DARS1: variants seen among roughly 807,000 people sequenced by gnomAD.
DARS1 encodes aspartyl-tRNA synthetase 1.
Under a neutral mutation model 68.8 loss-of-function variants are expected in DARS1, and 51 were observed. That is an observed-to-expected ratio of 0.74 (90% confidence interval 0.59 to 0.94). The LOEUF (loss-of-function observed/expected upper bound fraction) is 0.94. DARS1 is among the 40% of genes least tolerant of loss of function. DARS1 has a pLI of 0.00. For synonymous variants in DARS1, 203 were observed against 190.4 expected, an observed-to-expected ratio of 1.07 and a Z score of -0.55; for missense variants, 607 against 597.3, an observed-to-expected ratio of 1.02 and a Z score of -0.17.
chr2:135,978,139 T>C (rs1363707966), intron 3 of DARS1, among the ~76,000 whole-genome samples: 1 of 75,852 alleles, frequency 1.3e-5, no homozygotes, highest in Non-Finnish European at 2.3e-5. Context: ...CAAGACTCTG[T>C]CTCAAAAAAA....
At position 135,969,574 on chromosome 2, in the gene DARS1, A is replaced by G. The variant is rs148580967; in HGVS notation, c.218-8076T>C. ...TAAAAATGATGAAGACCAGATTATA[A>G]ATGCAAAATTCCACAAAAAGTAAGT... On this transcript the variant is annotated intron_variant, in intron 3 of 15. Transcript: ENST00000264161. 2.6e-3 allele frequency among the ~76,000 whole-genome samples: 388 copies of G among 151,996 alleles called. 1 individual carries two copies. Among genetic ancestry groups the G allele is most frequent in the African/African-American group, 8.6e-3 (355 of 41,500 alleles).
intron 2 of DARS1, among the ~76,000 whole-genome samples, chr2:135,983,037 T>C (rs150991844): frequency 3.2e-4 from 48 of 152,324 alleles, no homozygotes; most frequent in African/African-American, 9.9e-4. Context: ...GAGGTAGCTT[T>C]ATTAAAGCAT....
intron 7 of DARS1, among the ~76,000 whole-genome samples, chr2:135,926,900 C>T (rs568201197): frequency 6.6e-6 from 1 of 152,294 alleles, no homozygotes; most frequent in East Asian, 1.9e-4. Flanking sequence ...CAGACTGCAT[C>T]AGAGTCTGAG....
intron 4 of DARS1, among the ~76,000 whole-genome samples, chr2:135,955,598 G>T (rs1392836232): frequency 7.4e-6 from 1 of 135,098 alleles, no homozygotes; most frequent in Non-Finnish European, 1.6e-5. Context: ...AATTAAAACA[G>T]CATCAAAAGA....
rs1682764028 is a variant in DARS1, at chr2:135,985,532, G to A, written c.-64C>T. ...GCAGGCTTCCGTAAGGCAGGCCAAA[G>A]GGGCTTCTCCCTCCCTCCCAGTCTC... On this transcript the variant is annotated 5_prime_UTR_variant, in exon 1 of 16. Transcript: ENST00000264161. 8.1e-6 allele frequency: 13 copies of A among 1,612,298 alleles called. No individual in the cohort carries two copies. The highest frequency in any genetic ancestry group is 1.1e-5 in the Non-Finnish European group (13 of 1,179,354).
intron 3 of DARS1, among the ~76,000 whole-genome samples, chr2:135,973,632 A>AT (rs1682435088): frequency 6.6e-6 from 1 of 152,138 alleles, no homozygotes. Context: ...AGGTGGATAG[A>AT]TAGCTTGAGC....
intron 4 of DARS1, among the ~76,000 whole-genome samples, chr2:135,954,689 G>T (rs1388996139): frequency 1.3e-5 from 2 of 152,118 alleles, no homozygotes; most frequent in Non-Finnish European, 2.9e-5. Flanking sequence ...TTTAATTTCA[G>T]ATTAAGCTTC....
At chr2:135,959,915 A>C (rs1365053706) in intron 4 of DARS1, among the ~76,000 whole-genome samples, 1 of 152,116 alleles carries the variant, frequency 6.6e-6, no homozygotes, top group Admixed American at 6.5e-5. Flanking sequence ...TGTTGATTTG[A>C]GGTTGACTTT....
intron 10 of DARS1, 129 bp downstream of exon 10, chr2:135,920,324 C>CTA: frequency 2.2e-6 from 3 of 1,349,920 alleles, no homozygotes; most frequent in Non-Finnish European, 2.9e-6. Context: ...AATGGATCAT[C>CTA]TAACTGGTAA....
chr2:135,907,261 T>TTTTTTTTTTTG lies in DARS1; in HGVS notation c.*54_*55insCAAAAAAAAAA. On this transcript the variant is annotated 3_prime_UTR_variant, in exon 16 of 16. Coordinates refer to ENST00000264161, the MANE Select transcript of DARS1 (RefSeq NM_001349.4). ...GGCTTTCTTTTTTTTTTTTTTTTTT[T>TTTTTTTTTTTG]GAGGCAGGGTCTCGCTCTGTCATCC... 3 of 889,230 alleles carry TTTTTTTTTTTG rather than the reference T, an allele frequency of 3.4e-6. No homozygotes were observed. Among genetic ancestry groups the TTTTTTTTTTTG allele is most frequent in the Non-Finnish European group, 3.3e-6 (2 of 601,870 alleles). 55.1% of individuals were successfully genotyped at this position (889,230 alleles called of 1,614,324 possible).
chr2:135,971,776 A>C (rs1407204480), intron 3 of DARS1, among the ~76,000 whole-genome samples: 1 of 152,228 alleles, frequency 6.6e-6, no homozygotes, highest in East Asian at 1.9e-4. Flanking sequence ...TATAAATGTC[A>C]GTAGCATTTT....
intron 7 of DARS1, among the ~76,000 whole-genome samples, chr2:135,929,953 G>A (rs947885825): frequency 2.0e-5 from 3 of 152,230 alleles, no homozygotes; most frequent in African/African-American, 7.2e-5. Context: ...CCTGACTGGG[G>A]GCATTTGCCA....
chr2:135,940,747 A>G (rs1315938654), intron 5 of DARS1, among the ~76,000 whole-genome samples: 1 of 152,210 alleles, frequency 6.6e-6, no homozygotes, highest in Non-Finnish European at 1.5e-5. Context: ...ACATGATTGT[A>G]TATTTAGAAA....
At chr2:135,977,002 T>G (rs1682516325) in intron 3 of DARS1, among the ~76,000 whole-genome samples, 1 of 152,142 alleles carries the variant, frequency 6.6e-6, no homozygotes, top group South Asian at 2.1e-4. Flanking sequence ...TATTATTCGG[T>G]AGGGTTCTTA....
intron 12 of DARS1, among the ~76,000 whole-genome samples, chr2:135,912,800 TA>T (rs1335744203): frequency 6.8e-6 from 1 of 146,628 alleles, no homozygotes; most frequent in African/African-American, 2.5e-5. Flanking sequence ...CCATAGTTTT[TA>T]AATTTTTTTT....
intron 1 of DARS1, 23 bp from the exon 2 acceptor site, chr2:135,983,477 C>A (rs201786687): frequency 2.3e-6 from 2 of 886,746 alleles, no homozygotes; most frequent in African/African-American, 3.3e-5. Flanking sequence ...TTTTTTGCAT[C>A]GTGACTTTTT....
At chr2:135,969,796 T>A (rs904107366) in intron 3 of DARS1, among the ~76,000 whole-genome samples, 1 of 152,196 alleles carries the variant, frequency 6.6e-6, no homozygotes, top group African/African-American at 2.4e-5. Flanking sequence ...GCATACTGAA[T>A]CATTGCTCCT....
intron 1 of DARS1, chr2:135,985,119 G>C (rs1682743844): frequency 4.0e-6 from 2 of 499,884 alleles, no homozygotes; most frequent in Non-Finnish European, 7.2e-6. Flanking sequence ...CAAGTGTGAC[G>C]CCGCGCTCCT....
chr2:135,960,320 G>T (rs1682072943), intron 4 of DARS1, among the ~76,000 whole-genome samples: 1 of 152,140 alleles, frequency 6.6e-6, no homozygotes, highest in African/African-American at 2.4e-5. Context: ...GTATTACTAT[G>T]ACGTAATTTG....
Sources: gnomAD v4.1 joint callset for allele counts (sites outside exome capture counted in the v4.1 genomes callset) on GRCh38, gnomAD v4.1.1 for gene constraint, MANE v1.5 for transcripts, NCBI Gene and HGNC (gene_info 2026-07-23, HGNC 2026-07-21) for gene names.